KCNQ1: variants seen among roughly 807,000 people sequenced by gnomAD.
The protein encoded by KCNQ1 is potassium voltage-gated channel subfamily Q member 1, also known as potassium voltage-gated channel subfamily KQT member 1.
A neutral mutation model predicts 72.4 loss-of-function variants in KCNQ1; 49 were observed. That is an observed-to-expected ratio of 0.68 (90% CI 0.54 to 0.86). The LOEUF (loss-of-function observed/expected upper bound fraction) is 0.86. KCNQ1 is among the 40% of genes least tolerant of loss of function. The pLI is 0.00. For missense variants in KCNQ1, 790 were observed against 945.1 expected (o/e 0.84, Z 2.15); for synonymous variants, 450 against 412.6 (o/e 1.09, Z -1.10).
intron 11 of KCNQ1, among the ~76,000 whole-genome samples, chr11:2,718,675 G>C (rs1247440224): frequency 6.6e-6 from 1 of 152,222 alleles, no homozygotes; most frequent in Non-Finnish European, 1.5e-5. Flanking sequence ...GATGACCTGG[G>C]CTAGGGCCAC....
In KCNQ1 at chr11:2,759,024, A is replaced by G. The variant is rs539458648; in HGVS notation, c.1515-9820A>G. 6.6e-6 allele frequency among the ~76,000 whole-genome samples: 1 copy of G among 152,150 alleles called. No homozygotes were observed. The highest frequency in any genetic ancestry group is 2.4e-5 in the African/African-American group (1 of 41,486). On this transcript the variant is annotated intron_variant, in intron 11 of 15. Coordinates refer to ENST00000155840, the MANE Select transcript of KCNQ1 (RefSeq NM_000218.3). This position sits in a 1 kb window ranked among gnomAD's most constrained non-coding sequence, Gnocchi z 4.4. ...AGCCACGCACACTGTACCAATGTCA[A>G]TCTCCTGGCGTTGATCTGTTACTCC... is the stretch of plus-strand genomic sequence containing the variant.
At chr11:2,578,555 G>C (rs754156065) in intron 6 of KCNQ1, among the ~76,000 whole-genome samples, 3 of 152,248 alleles carry the variant, frequency 2.0e-5, no homozygotes, top group Non-Finnish European at 2.9e-5. Context: ...GGAGAGGGGA[G>C]CAGGCCTGGG....
intron 11 of KCNQ1, among the ~76,000 whole-genome samples, chr11:2,717,484 C>T (rs1217411152): frequency 6.6e-6 from 1 of 152,168 alleles, no homozygotes; most frequent in Non-Finnish European, 1.5e-5. Flanking sequence ...CCCAGTTTTC[C>T]ACCCTTTTCC....
chr11:2,575,965 C>T (rs577187747), intron 6 of KCNQ1, among the ~76,000 whole-genome samples: 88 of 152,238 alleles, frequency 5.8e-4, no homozygotes, highest in Non-Finnish European at 6.9e-4. Context: ...CTCCCCGTGG[C>T]TGGAGACTCC....
rs1056831859 is a variant in KCNQ1, at chr11:2,816,339, C to T, written c.1795-31428C>T. On this transcript the variant is annotated intron_variant, in intron 15 of 15. Coordinates refer to ENST00000155840, the MANE Select transcript of KCNQ1 (RefSeq NM_000218.3). This position sits in a 1 kb window ranked among gnomAD's most constrained non-coding sequence, Gnocchi z 6.8. ...TGACGATGTTGGGGAGAGGGGCCTC[C>T]AGCGCCGTGGGGGAGAATTTCAAGA... 2.6e-5 allele frequency among the ~76,000 whole-genome samples: 4 copies of T among 152,158 alleles called. No homozygotes were observed. The highest frequency in any genetic ancestry group is 2.6e-4 in the Admixed American group (4 of 15,280).
intron 15 of KCNQ1, among the ~76,000 whole-genome samples, chr11:2,831,328 G>A (rs1847946165): frequency 6.6e-6 from 1 of 152,162 alleles, no homozygotes; most frequent in Non-Finnish European, 1.5e-5. Flanking sequence ...CACCATCAGG[G>A]GGTGCTTGGA....
rs558855371 is a variant in KCNQ1, at chr11:2,478,660, C to T, written c.386+33176C>T. Among the ~76,000 whole-genome samples, 13 of 152,258 alleles carry T rather than the reference C, an allele frequency of 8.5e-5. No individual in the cohort carries two copies. The highest frequency in any genetic ancestry group is 2.6e-4 in the African/African-American group (11 of 41,556). ...TGGGAATTATGGGAGCTACAATTCA[C>T]GATGAGATTTGGGTGGGGACACAGC... On this transcript the variant is annotated intron_variant, in intron 1 of 15. Transcript: ENST00000155840. This position sits in a 1 kb window ranked among gnomAD's most constrained non-coding sequence, Gnocchi z 4.0.
At chr11:2,790,862 T>TA (rs1403859267) in intron 15 of KCNQ1, among the ~76,000 whole-genome samples, 1 of 152,212 alleles carries the variant, frequency 6.6e-6, no homozygotes, top group Non-Finnish European at 1.5e-5. Context: ...GCCTCAACCC[T>TA]ACTACGTGGC....
At chr11:2,778,443 C>G (rs1281935473) in intron 15 of KCNQ1, among the ~76,000 whole-genome samples, 1 of 152,228 alleles carries the variant, frequency 6.6e-6, no homozygotes, top group Non-Finnish European at 1.5e-5. Flanking sequence ...TGTCTGGGGC[C>G]TCCACTTGGG....
intron 10 of KCNQ1, among the ~76,000 whole-genome samples, chr11:2,606,685 A>G (rs1360149216): frequency 1.3e-5 from 2 of 152,132 alleles, no homozygotes; most frequent in African/African-American, 4.8e-5. Context: ...TTATAGTAAC[A>G]CAAAACTGGA....
rs539205520 is a variant in KCNQ1, at chr11:2,516,775, C to T, written c.387-11153C>T. Among the ~76,000 whole-genome samples, 1 of 152,296 alleles carries T rather than the reference C, an allele frequency of 6.6e-6. No individual in the cohort carries two copies. The highest frequency in any genetic ancestry group is 2.1e-4 in the South Asian group (1 of 4,824). On this transcript the variant is annotated intron_variant, in intron 1 of 15. Coordinates refer to ENST00000155840, the MANE Select transcript of KCNQ1 (RefSeq NM_000218.3). This position sits in a 1 kb window ranked among gnomAD's most constrained non-coding sequence, Gnocchi z 7.0. The stretch of plus-strand genomic sequence containing the variant: ...CACAGAGGCCACCTGCCCCACCACG[C>T]CTAGGACATTTCCTCTCTGGCCCAG...
rs145889067 is a variant in KCNQ1, at chr11:2,574,258, G to T, written c.921+1272G>T. On this transcript the variant is annotated intron_variant, in intron 6 of 15. Coordinates refer to ENST00000155840, the MANE Select transcript of KCNQ1 (RefSeq NM_000218.3). ...AGTGGCCCTGGGTGGGGACCGAGAAGCCCAAGTGCCGAGGTGACAGGGTGA... is the reference window on the plus strand; with the variant it reads ...AGTGGCCCTGGGTGGGGACCGAGAATCCCAAGTGCCGAGGTGACAGGGTGA... Among the ~76,000 whole-genome samples, 964 of 152,278 alleles carry T rather than the reference G, an allele frequency of 6.3e-3. 9 individuals carry two copies. Among genetic ancestry groups the T allele is most frequent in the African/African-American group, 0.022 (895 of 41,562 alleles).
At chr11:2,575,349 C>T (rs1004594403) in intron 6 of KCNQ1, among the ~76,000 whole-genome samples, 21 of 152,140 alleles carry the variant, frequency 1.4e-4, no homozygotes, top group African/African-American at 3.9e-4. Flanking sequence ...CCAGGCCCCG[C>T]GCCCCTGGTC....
rs1188954939 is a variant in KCNQ1, at chr11:2,673,124, C to T, written c.1514+11043C>T. 1 of 398,878 alleles carries T rather than the reference C, an allele frequency of 2.5e-6. No homozygotes were observed. Among genetic ancestry groups the T allele is most frequent in the Non-Finnish European group, 4.4e-6 (1 of 226,266 alleles). 24.7% of individuals were successfully genotyped at this position (398,878 alleles called of 1,614,324 possible). The stretch of plus-strand genomic sequence containing the variant: ...AGCAGGAGACCCCAGCAGGCAGCAT[C>T]AGGGCAGGGGTGCTGACCATCCCTG... On this transcript the variant is annotated intron_variant, in intron 11 of 15. Coordinates refer to ENST00000155840, the MANE Select transcript of KCNQ1 (RefSeq NM_000218.3). This position sits in a 1 kb window ranked among gnomAD's most constrained non-coding sequence, Gnocchi z 4.5.
chr11:2,649,235 AC>A (rs1564844901), intron 10 of KCNQ1: 3 of 398,000 alleles, frequency 7.5e-6, no homozygotes, highest in Non-Finnish European at 1.3e-5. Flanking sequence ...ATAGGTGAGG[AC>A]TTACTCCTGT....
rs928088155 is a variant in KCNQ1 at position 2,616,518 on chromosome 11, A to G, written c.1393+27664A>G. ...ATCCTTCTTCTTTTTCAGTGTGGGC[A>G]TTCACAGCTATAATTTTTCCTCTGA... is the stretch of plus-strand genomic sequence containing the variant. On this transcript the variant is annotated intron_variant, in intron 10 of 15. Transcript: ENST00000155840. The G allele has an allele frequency of 1.2e-4, 46 of 397,822 alleles. No homozygotes were observed. The Admixed American group carries it at 2.0e-3, about 17-fold the overall frequency. The allele number at this position is 397,822 out of a possible 1,614,324, so 24.6% of individuals were successfully genotyped here.
intron 10 of KCNQ1, chr11:2,609,063 ACTTG>A (rs1201757727): frequency 2.5e-6 from 1 of 397,634 alleles, no homozygotes; most frequent in African/African-American, 2.1e-5. Flanking sequence ...TGTTTTTTCT[ACTTG>A]CTTTAGGTTT....
rs1849086251 is a variant in KCNQ1 at position 2,617,503 on chromosome 11, A to G, written c.1393+28649A>G. The G allele has an allele frequency of 2.5e-6, 1 of 398,508 alleles. No individual in the cohort carries two copies. The allele number at this position is 398,508 out of a possible 1,614,324, so 24.7% of individuals were successfully genotyped here. A position where few individuals can be genotyped will look rare whatever the true frequency, so the allele number is the denominator to read the frequency against. ...TAAGTTTTCATATCGTGACTCATGC[A>G]TATAATGCCACAATGAATATAGGAG... On this transcript the variant is annotated intron_variant, in intron 10 of 15. Coordinates refer to ENST00000155840, the MANE Select transcript of KCNQ1 (RefSeq NM_000218.3). The surrounding 1 kb of genome is among the most constrained non-coding windows in gnomAD (Gnocchi z 4.6).
intron 1 of KCNQ1, among the ~76,000 whole-genome samples, chr11:2,496,495 CTTTTTTTTTTT>C: frequency 7.4e-4 from 22 of 29,846 alleles, no homozygotes; most frequent in African/African-American, 1.6e-3. Flanking sequence ...ACAACCCCTG[CTTTTTTTTTTT>C]TTTTTTTTTT....
Sources: gnomAD v4.1 joint callset for allele counts (sites outside exome capture counted in the v4.1 genomes callset) on GRCh38, gnomAD v4.1.1 for gene constraint, Gnocchi (gnomAD v3.1) non-coding constraint, MANE v1.5 for transcripts, NCBI Gene and HGNC (gene_info 2026-07-23, HGNC 2026-07-21) for gene names.